The following STAP1 variants were observed in gnomAD, a reference collection of about 807,000 sequenced individuals.
STAP1 encodes signal transducing adaptor family member 1.
In STAP1, 30 loss-of-function variants were observed where a neutral mutation model predicts 37.8. The observed-to-expected ratio is 0.79, with a 90% CI of 0.59 to 1.08. The LOEUF (loss-of-function observed/expected upper bound fraction) is 1.08, where lower values mean the gene tolerates loss of function less well. Ranked by LOEUF, STAP1 falls within the 50% of genes least tolerant of loss-of-function variation. The pLI is 0.00. For synonymous variants in STAP1, 130 were observed against 116.0 expected, an observed-to-expected ratio of 1.12 and a Z score of -0.78; for missense variants, 357 against 349.4, an observed-to-expected ratio of 1.02 and a Z score of -0.17.
chr4:67,567,366 A>G (rs956692663), intron 1 of STAP1, among the ~76,000 whole-genome samples: 1 of 111,368 alleles, frequency 9.0e-6, no homozygotes, highest in Non-Finnish European at 2.3e-5. Context: ...CCAGTTCTCA[A>G]CTGGGGGGAG....
intron 4 of STAP1, among the ~76,000 whole-genome samples, chr4:67,580,133 C>G (rs1051044318): frequency 2.0e-5 from 3 of 152,226 alleles, no homozygotes; most frequent in Non-Finnish European, 4.4e-5. Flanking sequence ...GCTGGGATTA[C>G]AGGCATGAGC....
intron 4 of STAP1, among the ~76,000 whole-genome samples, chr4:67,579,447 G>A (rs746260268): frequency 6.6e-6 from 1 of 151,900 alleles, no homozygotes; most frequent in Non-Finnish European, 1.5e-5. Context: ...TTTGTATTAG[G>A]CCATTCTTGC....
rs148642075 is a variant in STAP1 at position 67,605,295 on chromosome 4, T to C, written c.827-1001T>C. ...TGGAAGGCTAAATTTTCTCTTGGGG[T>C]TTTAGGTGCCCATGCTGTCACTGCC... On this transcript the variant is annotated intron_variant, in intron 8 of 8. Transcript: ENST00000265404. Among the ~76,000 whole-genome samples, 934 of 151,940 alleles carry C rather than the reference T, an allele frequency of 6.1e-3. 13 individuals carry two copies. The highest frequency in any genetic ancestry group is 0.022 in the African/African-American group (893 of 41,402).
intron 1 of STAP1, among the ~76,000 whole-genome samples, chr4:67,570,763 A>G (rs532898780): frequency 6.6e-6 from 1 of 151,980 alleles, no homozygotes; most frequent in East Asian, 1.9e-4. Context: ...GGAGGGAGGG[A>G]GGAAGGAAAT....
chr4:67,594,391 A>G (rs987445897), intron 8 of STAP1, among the ~76,000 whole-genome samples: 5 of 152,172 alleles, frequency 3.3e-5, no homozygotes, highest in Non-Finnish European at 7.3e-5. Context: ...AAATTATAGT[A>G]TCTTATCTGT....
At chr4:67,589,019 T>C (rs928307799) in intron 6 of STAP1, among the ~76,000 whole-genome samples, 4 of 152,206 alleles carry the variant, frequency 2.6e-5, no homozygotes, top group African/African-American at 4.8e-5. Flanking sequence ...TCTCCATTTA[T>C]AGATGAAGAA....
intron 4 of STAP1, among the ~76,000 whole-genome samples, chr4:67,578,062 T>C (rs1157673323): frequency 6.6e-6 from 1 of 152,214 alleles, no homozygotes; most frequent in East Asian, 1.9e-4. Flanking sequence ...AAAACTCACC[T>C]TTAAACATTT....
At chr4:67,582,347 T>C (rs982951879) in intron 5 of STAP1, among the ~76,000 whole-genome samples, 3 of 151,992 alleles carry the variant, frequency 2.0e-5, no homozygotes, top group African/African-American at 7.2e-5. Flanking sequence ...TGTCTCACTC[T>C]GTTAGCCAGG....
chr4:67,596,460 T>C (rs745521634), intron 8 of STAP1, among the ~76,000 whole-genome samples: 7 of 152,182 alleles, frequency 4.6e-5, no homozygotes, highest in Non-Finnish European at 8.8e-5. Context: ...AAAGCAACTT[T>C]GGAACTGGGC....
At chr4:67,590,339 A>C (rs1728092599) in intron 6 of STAP1, among the ~76,000 whole-genome samples, 1 of 152,188 alleles carries the variant, frequency 6.6e-6, no homozygotes, top group Non-Finnish European at 1.5e-5. Context: ...CCTAAGACCC[A>C]GTATTTTCCA....
Position 67,577,263 on chromosome 4 carries a change from G to A in STAP1, c.363+4G>A, listed in dbSNP as rs761798477. The A allele has an allele frequency of 1.2e-6, 2 of 1,601,836 alleles. No homozygotes were observed. Among genetic ancestry groups the A allele is most frequent in the East Asian group, 4.5e-5 (2 of 44,768 alleles). On this transcript the variant is annotated splice_donor_region_variant and intron_variant, in intron 4 of 8. Coordinates refer to ENST00000265404, the MANE Select transcript of STAP1 (RefSeq NM_012108.4). ...CTTCATTCTTACAGTAACAGAGGTAGGAAGCTCACTGCTTTTGATTGATTC... is the reference window on the plus strand; with the variant it reads ...CTTCATTCTTACAGTAACAGAGGTAAGAAGCTCACTGCTTTTGATTGATTC...
chr4:67,580,878 T>C (rs1011589202), intron 4 of STAP1, among the ~76,000 whole-genome samples: 1 of 152,228 alleles, frequency 6.6e-6, no homozygotes, highest in African/African-American at 2.4e-5. Context: ...TCCATCTGAA[T>C]CCCATGTTGC....
At chr4:67,575,344 C>T (rs753620913) in intron 2 of STAP1, 41 bp from the exon 3 acceptor site, 2 of 1,350,766 alleles carry the variant, frequency 1.5e-6, no homozygotes, top group Non-Finnish European at 2.0e-6. Context: ...ATGTGTATTA[C>T]CCATGAAATA....
chr4:67,561,547 A>G (rs745309306), intron 1 of STAP1, among the ~76,000 whole-genome samples: 22 of 152,226 alleles, frequency 1.4e-4, no homozygotes, highest in Non-Finnish European at 2.6e-4. Flanking sequence ...TTTTGCATGC[A>G]ATTCTAGAAG....
intron 8 of STAP1, among the ~76,000 whole-genome samples, chr4:67,598,992 A>T (rs907298260): frequency 5.3e-5 from 8 of 152,170 alleles, no homozygotes. Flanking sequence ...ATTGTTCTTC[A>T]TTCTATTGGT....
At chr4:67,591,080 T>C in intron 7 of STAP1, 127 bp downstream of exon 7, 1 of 482,414 alleles carries the variant, frequency 2.1e-6, no homozygotes, top group Non-Finnish European at 3.6e-6. Context: ...AAAAGTGAGA[T>C]TCAGGAACAG....
At chr4:67,580,586 T>C (rs899162127) in intron 4 of STAP1, among the ~76,000 whole-genome samples, 5 of 152,298 alleles carry the variant, frequency 3.3e-5, no homozygotes, top group Middle Eastern at 3.4e-3. Flanking sequence ...AAAGACTTGC[T>C]AGGGTCACGT....
chr4:67,558,924 T>A lies in STAP1; in HGVS notation c.115T>A (p.Tyr39Asn), dbSNP rs1392477779. ...TTTTTTATTAATCAAGCGGTCAGGA[T>A]ACCGGGTGAGTCTATAGATGATAAT... ...EGFLLIKRSG[Y>N]REYEHYWTEL... Residue 39 changes from tyrosine to asparagine, a missense_variant, in exon 1 of 9, where the codon TAC becomes AAC. By Grantham distance (143) the Tyr-to-Asn change is moderately radical. Coordinates refer to ENST00000265404, the MANE Select transcript of STAP1 (RefSeq NM_012108.4). 6.2e-7 allele frequency: 1 copy of A among 1,611,910 alleles called. No individual in the cohort carries two copies.
At chr4:67,569,887 G>A (rs1226749786) in intron 1 of STAP1, among the ~76,000 whole-genome samples, 1 of 152,080 alleles carries the variant, frequency 6.6e-6, no homozygotes, top group African/African-American at 2.4e-5. Flanking sequence ...ACGTCACAAT[G>A]CCTGGCTAAT....
Sources: gnomAD v4.1 joint callset for allele counts (sites outside exome capture counted in the v4.1 genomes callset) on GRCh38, gnomAD v4.1.1 for gene constraint, MANE v1.5 for transcripts, NCBI Gene and HGNC (gene_info 2026-07-23, HGNC 2026-07-21) for gene names.